Variants in CHRNA7 observed in about 807,000 individuals in gnomAD.
The protein encoded by CHRNA7 is cholinergic receptor nicotinic alpha 7 subunit.
In CHRNA7, 17 loss-of-function variants were observed where a neutral mutation model predicts 48.0. The observed-to-expected ratio is 0.35, with a 90% CI of 0.24 to 0.53. The LOEUF is 0.53. Ranked by LOEUF, CHRNA7 falls within the 20% of genes least tolerant of loss-of-function variation. CHRNA7 has a pLI of 0.92. For missense variants in CHRNA7, 155 were observed against 577.7 expected (o/e 0.27, Z 7.50); for synonymous variants, 75 against 242.3 (o/e 0.31, Z 6.41).
intron 2 of CHRNA7, among the ~76,000 whole-genome samples, chr15:32,095,706 GA>G (rs1158090347): frequency 2.6e-5 from 4 of 152,066 alleles, no homozygotes; most frequent in African/African-American, 7.2e-5. Flanking sequence ...TAACCATTAT[GA>G]AAAAAAGATT....
chr15:32,141,885 C>G (rs1301939534), intron 4 of CHRNA7, among the ~76,000 whole-genome samples: 1 of 152,192 alleles, frequency 6.6e-6, no homozygotes, highest in African/African-American at 2.4e-5. Flanking sequence ...ATTTGACTTC[C>G]TCTTTTCCTA....
At chr15:32,141,221 C>G (rs1274829736) in intron 4 of CHRNA7, among the ~76,000 whole-genome samples, 1 of 152,168 alleles carries the variant, frequency 6.6e-6, no homozygotes, top group Non-Finnish European at 1.5e-5. Flanking sequence ...TGTCAAAGAT[C>G]AGATGGTTGT....
chr15:32,069,612 AC>A (rs779037053), intron 2 of CHRNA7, among the ~76,000 whole-genome samples: 3 of 152,226 alleles, frequency 2.0e-5, no homozygotes, highest in Non-Finnish European at 4.4e-5. Flanking sequence ...ATACCACTGC[AC>A]TCCAGCCTGG....
intron 2 of CHRNA7, among the ~76,000 whole-genome samples, chr15:32,071,220 A>G (rs2141218727): frequency 6.6e-6 from 1 of 152,220 alleles, no homozygotes; most frequent in East Asian, 1.9e-4. Flanking sequence ...ATGATTGCTT[A>G]TATTCCTTCT....
chr15:32,146,503 A>T (rs1377435850), intron 4 of CHRNA7, among the ~76,000 whole-genome samples: 1 of 152,244 alleles, frequency 6.6e-6, no homozygotes, highest in Non-Finnish European at 1.5e-5. Flanking sequence ...TGTTTTTTAC[A>T]TAGAAAATCC....
At chr15:32,123,231 G>C (rs2051004332) in intron 4 of CHRNA7, among the ~76,000 whole-genome samples, 1 of 152,210 alleles carries the variant, frequency 6.6e-6, no homozygotes, top group Non-Finnish European at 1.5e-5. Context: ...AGTAACAGCA[G>C]ACGTTTGGTG....
At chr15:32,137,458 A>T (rs2051292617) in intron 4 of CHRNA7, among the ~76,000 whole-genome samples, 1 of 152,162 alleles carries the variant, frequency 6.6e-6, no homozygotes, top group African/African-American at 2.4e-5. Context: ...ATCTAATAAA[A>T]TTGCTTTGAA....
chr15:32,047,579 A>C (rs1045283461), intron 2 of CHRNA7, among the ~76,000 whole-genome samples: 3 of 152,130 alleles, frequency 2.0e-5, no homozygotes, highest in African/African-American at 7.2e-5. Flanking sequence ...GGGCTGAGAC[A>C]ATGGGGTTTT....
At chr15:32,114,059 T>TATGTATATATATATATAC (rs1187735599) in intron 4 of CHRNA7, among the ~76,000 whole-genome samples, 1 of 38,358 alleles carries the variant, frequency 2.6e-5, no homozygotes, top group African/African-American at 6.6e-5. Flanking sequence ...TATATATATA[T>TATGTATATATATATATAC]ACATATATAT....
chr15:32,121,960 C>G (rs2050977959), intron 4 of CHRNA7, among the ~76,000 whole-genome samples: 1 of 152,208 alleles, frequency 6.6e-6, no homozygotes, highest in African/African-American at 2.4e-5. Flanking sequence ...CTCTGGAAAT[C>G]TGTCCCTGAC....
intron 5 of CHRNA7, chr15:32,156,317 A>C (rs1455751748): frequency 1.5e-5 from 1 of 64,746 alleles, no homozygotes; most frequent in East Asian, 3.5e-4. Flanking sequence ...TGATGATTCC[A>C]GATTCCTATA....
At chr15:32,030,725 C>A in intron 1 of CHRNA7, 76 bp downstream of exon 1, 1 of 1,534,782 alleles carries the variant, frequency 6.5e-7, no homozygotes, top group Non-Finnish European at 8.7e-7. Context: ...GTGCGCCCCG[C>A]GCCTGGGCCA....
At chr15:32,134,220 G>T (rs887038732) in intron 4 of CHRNA7, among the ~76,000 whole-genome samples, 1 of 151,898 alleles carries the variant, frequency 6.6e-6, no homozygotes, top group East Asian at 1.9e-4. Flanking sequence ...GTACAGTGGC[G>T]GGATCTCGGC....
At chr15:32,127,303 G>C (rs1158208441) in intron 4 of CHRNA7, among the ~76,000 whole-genome samples, 1 of 152,198 alleles carries the variant, frequency 6.6e-6, no homozygotes, top group East Asian at 1.9e-4. Flanking sequence ...TGTTTTTGAA[G>C]ATGTTTCCAT....
chr15:32,090,420 G>A (rs997112001), intron 2 of CHRNA7, among the ~76,000 whole-genome samples: 1 of 152,156 alleles, frequency 6.6e-6, no homozygotes, highest in Non-Finnish European at 1.5e-5. Context: ...CAAGACTGTG[G>A]CTGTCTGGGG....
At chr15:32,165,444 GAATT>G (rs1157967955) in intron 9 of CHRNA7, among the ~76,000 whole-genome samples, 1 of 122,364 alleles carries the variant, frequency 8.2e-6, no homozygotes, top group Non-Finnish European at 1.7e-5. Context: ...GAAGATAAGA[GAATT>G]AAGACATTGA....
intron 2 of CHRNA7, among the ~76,000 whole-genome samples, chr15:32,072,765 G>A (rs541337467): frequency 3.2e-4 from 48 of 152,348 alleles, no homozygotes; most frequent in African/African-American, 5.8e-4. Context: ...AACATAAGCC[G>A]TAAGCTTTGG....
intron 2 of CHRNA7, among the ~76,000 whole-genome samples, chr15:32,039,208 C>T (rs773933706): frequency 1.3e-5 from 2 of 152,036 alleles, no homozygotes; most frequent in East Asian, 3.8e-4. Flanking sequence ...TTTCAAAAAA[C>T]AGATTTTGTT....
At chr15:32,079,405 G>A (rs180710851) in intron 2 of CHRNA7, among the ~76,000 whole-genome samples, 8 of 152,176 alleles carry the variant, frequency 5.3e-5, no homozygotes, top group Non-Finnish European at 7.4e-5. Flanking sequence ...AGAAAACCCC[G>A]TTGTCTCAGC....
Sources: gnomAD v4.1 joint callset for allele counts (sites outside exome capture counted in the v4.1 genomes callset) on GRCh38, gnomAD v4.1.1 for gene constraint, MANE v1.5 for transcripts, NCBI Gene and HGNC (gene_info 2026-07-23, HGNC 2026-07-21) for gene names.